The following NAALADL2 variants were observed in gnomAD, a reference collection of about 807,000 sequenced individuals.
The protein encoded by NAALADL2 is N-acetylated alpha-linked acidic dipeptidase like 2.
A neutral mutation model predicts 87.2 loss-of-function variants in NAALADL2; 76 were observed. That is an observed-to-expected ratio of 0.87 (90% CI 0.72 to 1.05). NAALADL2 has a LOEUF of 1.05. NAALADL2 is among the 50% of genes least tolerant of loss of function. NAALADL2 has a pLI of 0.00. For synonymous variants in NAALADL2, 354 were observed against 331.0 expected (o/e 1.07, Z -0.75); for missense variants, 1,089 against 945.8 (o/e 1.15, Z -1.99).
At chr3:175,718,022 T>C (rs1374326676) in intron 11 of NAALADL2, among the ~76,000 whole-genome samples, 2 of 151,660 alleles carry the variant, frequency 1.3e-5, no homozygotes, top group African/African-American at 4.8e-5. Context: ...ACAACTTATA[T>C]ATTTTAAATG....
At chr3:175,300,760 TTTA>T (rs1472436530) in intron 4 of NAALADL2, among the ~76,000 whole-genome samples, 44 of 131,640 alleles carry the variant, frequency 3.3e-4, no homozygotes, top group African/African-American at 1.4e-3. Flanking sequence ...TTTATTTTTA[TTTA>T]TTTATTTATT....
chr3:175,354,528 G>T (rs1363565479), intron 5 of NAALADL2, among the ~76,000 whole-genome samples: 1 of 151,878 alleles, frequency 6.6e-6, no homozygotes, highest in Admixed American at 6.6e-5. Flanking sequence ...TCCTGTTCAG[G>T]GATGATTCTA....
intron 3 of NAALADL2, among the ~76,000 whole-genome samples, chr3:174,851,438 C>G (rs548650963): frequency 6.7e-6 from 1 of 149,984 alleles, no homozygotes; most frequent in Non-Finnish European, 1.5e-5. Context: ...ACATTACAAC[C>G]GATAGCTAAG....
chr3:175,460,116 A>G (rs1722888978), intron 6 of NAALADL2: 2 of 455,784 alleles, frequency 4.4e-6, no homozygotes, highest in South Asian at 1.6e-5. Flanking sequence ...TGTTATTGCT[A>G]TGAAGAGTAA....
intron 2 of NAALADL2, among the ~76,000 whole-genome samples, chr3:174,653,886 C>T (rs139254112): frequency 6.6e-6 from 1 of 152,098 alleles, no homozygotes. Context: ...GTTTTTCTCC[C>T]TAATCTCATT....
rs1578358425 is a variant in NAALADL2, at chr3:174,626,115, G to C, written c.-115+75478G>C. Among the ~76,000 whole-genome samples, 3 of 128,582 alleles carry C rather than the reference G, an allele frequency of 2.3e-5. No individual in the cohort carries two copies. The South Asian group carries it at 7.1e-4, about 30-fold the overall frequency. The allele number at this position is 128,582 out of a possible 152,430, so 84.4% of individuals were successfully genotyped here. The stretch of plus-strand genomic sequence containing the variant: ...TTTTTTTTTTTTTTTTTGGTAATCT[G>C]ACCAAAATGGGTATCATGCACTGCA... On this transcript the variant is annotated intron_variant, in intron 2 of 3. Transcript: ENST00000434257.
intron 5 of NAALADL2, among the ~76,000 whole-genome samples, chr3:175,444,812 T>C (rs1343175906): frequency 6.6e-6 from 1 of 152,194 alleles, no homozygotes; most frequent in African/African-American, 2.4e-5. Flanking sequence ...ACTGCTCTTA[T>C]ATAACAAAAT....
intron 1 of NAALADL2, among the ~76,000 whole-genome samples, chr3:174,886,871 C>G (rs1349178058): frequency 6.6e-6 from 1 of 152,150 alleles, no homozygotes; most frequent in Non-Finnish European, 1.5e-5. Context: ...CATTTCATTT[C>G]TATTGGGTCC....
At chr3:174,960,077 G>A (rs1741753974) in intron 1 of NAALADL2, among the ~76,000 whole-genome samples, 1 of 152,016 alleles carries the variant, frequency 6.6e-6, no homozygotes, top group Admixed American at 6.6e-5. Flanking sequence ...TTAATGCTTT[G>A]GAGTAGCAGA....
chr3:175,574,415 G>A (rs534458848), intron 9 of NAALADL2, among the ~76,000 whole-genome samples: 1 of 152,184 alleles, frequency 6.6e-6, no homozygotes, highest in East Asian at 1.9e-4. Flanking sequence ...GGTCAAAATA[G>A]TAGAGTACTG....
At chr3:174,837,337 A>G (rs1723451011) in intron 3 of NAALADL2, among the ~76,000 whole-genome samples, 1 of 152,232 alleles carries the variant, frequency 6.6e-6, no homozygotes, top group Non-Finnish European at 1.5e-5. Context: ...CAGAAATACA[A>G]AAGATCGTTC....
intron 5 of NAALADL2, among the ~76,000 whole-genome samples, chr3:175,381,524 TATCTC>T (rs1372943334): frequency 2.6e-5 from 4 of 152,276 alleles, no homozygotes; most frequent in South Asian, 2.1e-4. Context: ...ATATTTTAAA[TATCTC>T]ATTTAATATG....
chr3:175,333,407 G>T (rs1489338549), intron 5 of NAALADL2, among the ~76,000 whole-genome samples: 2 of 152,160 alleles, frequency 1.3e-5, no homozygotes, highest in African/African-American at 2.4e-5. Flanking sequence ...CCAGGTGGTG[G>T]CTGTAAGCAA....
chr3:174,893,411 T>G (rs1216622163), intron 1 of NAALADL2, among the ~76,000 whole-genome samples: 1 of 151,630 alleles, frequency 6.6e-6, no homozygotes, highest in Non-Finnish European at 1.5e-5. Context: ...ATGATAACAC[T>G]GTAGCTGTGG....
At chr3:175,313,184 C>T (rs1417526894) in intron 4 of NAALADL2, among the ~76,000 whole-genome samples, 1 of 152,074 alleles carries the variant, frequency 6.6e-6, no homozygotes, top group African/African-American at 2.4e-5. Flanking sequence ...AGGGCCCACC[C>T]ATTCGACCTC....
chr3:174,893,312 C>CT (rs1731087618), intron 1 of NAALADL2, among the ~76,000 whole-genome samples: 1 of 131,494 alleles, frequency 7.6e-6, no homozygotes, highest in South Asian at 2.4e-4. Flanking sequence ...GTACTTCAAC[C>CT]CCCCCCCGCA....
chr3:175,048,830 C>T (rs918666415), intron 1 of NAALADL2, among the ~76,000 whole-genome samples: 26 of 152,032 alleles, frequency 1.7e-4, no homozygotes, highest in African/African-American at 5.8e-4. Context: ...TCATAATACA[C>T]CCTGGGAGTG....
At chr3:174,913,210 G>C (rs1475000670) in intron 1 of NAALADL2, among the ~76,000 whole-genome samples, 1 of 152,108 alleles carries the variant, frequency 6.6e-6, no homozygotes, top group Non-Finnish European at 1.5e-5. Context: ...TTACCAACTA[G>C]TAAGACAAGT....
At chr3:174,711,844 A>C (rs115329593) in intron 2 of NAALADL2, among the ~76,000 whole-genome samples, 13 of 152,312 alleles carry the variant, frequency 8.5e-5, no homozygotes, top group Non-Finnish European at 1.3e-4. Flanking sequence ...CTGTTGCCCA[A>C]GCTGGAGTGC....
Sources: allele counts gnomAD v4.1 joint callset (sites outside exome capture counted in the v4.1 genomes callset), GRCh38; gene constraint gnomAD v4.1.1; transcripts MANE v1.5; gene names NCBI Gene and HGNC (gene_info 2026-07-23, HGNC 2026-07-21).